PARN: variants seen among roughly 807,000 people sequenced by gnomAD.
PARN encodes the protein poly(A)-specific ribonuclease PARN.
A neutral mutation model predicts 102.8 loss-of-function variants in PARN; 71 were observed. That is an observed-to-expected ratio of 0.69 (90% CI 0.57 to 0.84). The LOEUF (loss-of-function observed/expected upper bound fraction) is 0.84. Among genes scored for constraint, PARN ranks in the 40% least tolerant of loss-of-function variants. The pLI is 0.00. For synonymous variants in PARN, 261 were observed against 252.9 expected, an observed-to-expected ratio of 1.03 and a Z score of -0.30; for missense variants, 782 against 760.9, an observed-to-expected ratio of 1.03 and a Z score of -0.33.
chr16:14,606,953 T>C (rs1971226130), intron 9 of PARN, among the ~76,000 whole-genome samples: 1 of 152,030 alleles, frequency 6.6e-6, no homozygotes, highest in African/African-American at 2.4e-5. Context: ...AGCTAATTTT[T>C]TGTATTTTTA....
chr16:14,435,896 T>TCACACACACACACACACACA lies in PARN; in HGVS notation c.*801_*820dup, dbSNP rs71373026. 7.6e-6 allele frequency: 1 copy of TCACACACACACACACACACA among 131,076 alleles called. No homozygotes were observed. Among genetic ancestry groups the TCACACACACACACACACACA allele is most frequent in the African/African-American group, 3.0e-5 (1 of 33,822 alleles). 8.1% of individuals were successfully genotyped at this position (131,076 alleles called of 1,614,324 possible). ...GGACATGTTGTAGATTTGCACGATT[T>TCACACACACACACACACACA]CACACACACACACACACACACACAC... On this transcript the variant is annotated 3_prime_UTR_variant, in exon 24 of 24. Coordinates refer to ENST00000437198, the MANE Select transcript of PARN (RefSeq NM_002582.4).
At chr16:14,482,391 C>CAA (rs540805562) in intron 22 of PARN, among the ~76,000 whole-genome samples, 1 of 132,002 alleles carries the variant, frequency 7.6e-6, no homozygotes. Flanking sequence ...GACCCTGTCT[C>CAA]AAAAAAAAAA....
Position 14,571,088 on chromosome 16 carries a change from A to G in PARN, c.1262+9786T>C, listed in dbSNP as rs1468665373. 6.0e-5 allele frequency among the ~76,000 whole-genome samples: 9 copies of G among 149,702 alleles called. No individual in the cohort carries two copies. In the East Asian group the frequency reaches 9.6e-4, roughly 16 times the overall value. On this transcript the variant is annotated intron_variant, in intron 18 of 23. Transcript: ENST00000437198. ...TATATTTCTTTACTTCCTTTTCCCAATAAAAGTCTAAAACTCCAGGCGCGG... is the reference window on the plus strand; with the variant it reads ...TATATTTCTTTACTTCCTTTTCCCAGTAAAAGTCTAAAACTCCAGGCGCGG...
At chr16:14,461,482 C>A (rs1961970985) in intron 22 of PARN, among the ~76,000 whole-genome samples, 1 of 152,136 alleles carries the variant, frequency 6.6e-6, no homozygotes, top group Admixed American at 6.5e-5. Context: ...AGTGGGTTAT[C>A]CTTTGCGCTT....
chr16:14,586,402 C>A lies in PARN; in HGVS notation c.919-41G>T, dbSNP rs575369688. ...AGGACTTGTTACAATTTTCCTAATA[C>A]ACTCGCAGTATTAAAAAACATGTAA... On this transcript the variant is annotated intron_variant, in intron 13 of 23. Transcript: ENST00000437198. 16 of 1,204,326 alleles carry A rather than the reference C, an allele frequency of 1.3e-5. No homozygotes were observed. In the African/African-American group the frequency reaches 1.4e-4, roughly 10 times the overall value. 74.6% of individuals were successfully genotyped at this position (1,204,326 alleles called of 1,614,324 possible). A position where few individuals can be genotyped will look rare whatever the true frequency, so the allele number is the denominator to read the frequency against.
At chr16:14,549,408 C>A (rs944067053) in intron 21 of PARN, among the ~76,000 whole-genome samples, 1 of 152,080 alleles carries the variant, frequency 6.6e-6, no homozygotes, top group East Asian at 1.9e-4. Context: ...ACAAGAGGGA[C>A]CCAACACTGC....
intron 21 of PARN, among the ~76,000 whole-genome samples, chr16:14,486,161 C>G (rs961848358): frequency 8.5e-5 from 13 of 152,182 alleles, no homozygotes; most frequent in African/African-American, 3.1e-4. Context: ...TCGAGACCAG[C>G]CTGGACAATG....
At chr16:14,607,799 T>C (rs1243556643) in intron 9 of PARN, among the ~76,000 whole-genome samples, 1 of 152,140 alleles carries the variant, frequency 6.6e-6, no homozygotes, top group African/African-American at 2.4e-5. Flanking sequence ...ATGTCAATGT[T>C]CAATTTCTGA....
At chr16:14,496,130 G>A (rs570750656) in intron 21 of PARN, among the ~76,000 whole-genome samples, 2 of 152,330 alleles carry the variant, frequency 1.3e-5, no homozygotes, top group African/African-American at 4.8e-5. Context: ...GCAAACAGGG[G>A]CCGAGAGAGG....
chr16:14,488,686 G>A (rs965240115), intron 21 of PARN, among the ~76,000 whole-genome samples: 42 of 152,180 alleles, frequency 2.8e-4, no homozygotes, highest in African/African-American at 1.0e-3. Context: ...TACCTACTGC[G>A]TTGGCAAAAA....
intron 21 of PARN, among the ~76,000 whole-genome samples, chr16:14,535,981 T>C (rs1280356093): frequency 6.6e-6 from 1 of 152,208 alleles, no homozygotes; most frequent in African/African-American, 2.4e-5. Flanking sequence ...TGTGTTCCTT[T>C]ACTTATTTAA....
In PARN at chr16:14,629,675, C is replaced by CT; in HGVS notation, c.20-2dup. Reference sequence around the variant, plus strand: ...ACTTTGTGAAGATTACTCTTAAAATCTGCGGAGAAACCGAAAAGAGGCTCA... The same window carrying CT: ...ACTTTGTGAAGATTACTCTTAAAATCTTGCGGAGAAACCGAAAAGAGGCTCA... On this transcript the variant is annotated splice_acceptor_variant, in intron 1 of 23. Coordinates refer to ENST00000437198, the MANE Select transcript of PARN (RefSeq NM_002582.4). LOFTEE classifies it high-confidence loss of function. 1 of 1,611,052 alleles carries CT rather than the reference C, an allele frequency of 6.2e-7. No homozygotes were observed. The highest frequency in any genetic ancestry group is 8.5e-7 in the Non-Finnish European group (1 of 1,177,168).
intron 22 of PARN, among the ~76,000 whole-genome samples, chr16:14,471,336 TAACTCATATTATATG>T (rs1398365927): frequency 6.6e-6 from 1 of 152,166 alleles, no homozygotes; most frequent in Admixed American, 6.5e-5. Flanking sequence ...TCAAATGTGA[TAACTCATATTATATG>T]ATAATTCACT....
chr16:14,583,663 TTA>T (rs1388259233), intron 16 of PARN, among the ~76,000 whole-genome samples: 1 of 152,224 alleles, frequency 6.6e-6, no homozygotes, highest in African/African-American at 2.4e-5. Flanking sequence ...ATACTTTGCA[TTA>T]TCAATTTCTA....
chr16:14,593,170 C>T, intron 13 of PARN, 131 bp downstream of exon 13: 1 of 584,390 alleles, frequency 1.7e-6, no homozygotes, highest in East Asian at 3.0e-5. Flanking sequence ...ATAAGATTCT[C>T]TCTGGGAACA....
intron 23 of PARN, 124 bp downstream of exon 23, chr16:14,446,764 G>A: frequency 1.6e-6 from 1 of 623,288 alleles, no homozygotes; most frequent in Admixed American, 3.0e-5. Flanking sequence ...ATCTGCTTTG[G>A]TGGAAGACTA....
At chr16:14,477,473 C>T (rs1963128775) in intron 22 of PARN, among the ~76,000 whole-genome samples, 1 of 148,328 alleles carries the variant, frequency 6.7e-6, no homozygotes, top group Non-Finnish European at 1.5e-5. Flanking sequence ...GATACCAAAA[C>T]TCGACAAAGA....
At chr16:14,495,477 A>G (rs1280725064) in intron 21 of PARN, among the ~76,000 whole-genome samples, 2 of 152,174 alleles carry the variant, frequency 1.3e-5, no homozygotes, top group African/African-American at 4.8e-5. Flanking sequence ...CTCTGTCTCC[A>G]AAAAACAGAG....
intron 22 of PARN, among the ~76,000 whole-genome samples, chr16:14,468,569 T>C (rs1962512462): frequency 1.3e-5 from 2 of 152,176 alleles, no homozygotes; most frequent in South Asian, 4.1e-4. Context: ...GCCTTGCTGA[T>C]GGGCAGGTAA....
Sources: allele counts gnomAD v4.1 joint callset (sites outside exome capture counted in the v4.1 genomes callset), GRCh38; gene constraint gnomAD v4.1.1; transcripts MANE v1.5; gene names NCBI Gene and HGNC (gene_info 2026-07-23, HGNC 2026-07-21).